The following SLC1A5 variants were observed in gnomAD, a reference collection of about 807,000 sequenced individuals.
SLC1A5 encodes the protein neutral amino acid transporter B(0).
SLC1A5 carries 25 observed loss-of-function variants against 34.9 expected under a neutral mutation model. That is an observed-to-expected ratio of 0.72 (90% confidence interval 0.52 to 1.00). The LOEUF (loss-of-function observed/expected upper bound fraction) is 1.00, where lower values mean the gene tolerates loss of function less well. Ranked by LOEUF, SLC1A5 falls within the 50% of genes least tolerant of loss-of-function variation. The pLI is 0.00. For synonymous variants in SLC1A5, 351 were observed against 341.2 expected (o/e 1.03, Z -0.32); for missense variants, 637 against 740.0 (o/e 0.86, Z 1.61).
chr19:46,784,785 G>A (rs2055174983), intron 1 of SLC1A5: 2 of 1,441,552 alleles, frequency 1.4e-6, no homozygotes, highest in East Asian at 2.5e-5. Context: ...AGGCTGGCGT[G>A]CTAGCCCTGA....
intron 6 of SLC1A5, 41 bp downstream of exon 6, chr19:46,777,170 C>T (rs2055097778): frequency 6.2e-7 from 1 of 1,604,502 alleles, no homozygotes; most frequent in South Asian, 1.1e-5. Flanking sequence ...TGGGGGTCAA[C>T]AGGGGTCCGG....
Position 46,788,189 on chromosome 19 carries a change from GC to G in SLC1A5, c.-225del, listed in dbSNP as rs2055200350. On this transcript the variant is annotated 5_prime_UTR_variant, in exon 1 of 8. Transcript: ENST00000542575. ...CTGGGCGCTGAGGCTTCTCTGCTCT[GC>G]CCCGTGTGCCAGATGTCCGAAAGCT... 2 of 499,698 alleles carry G rather than the reference GC, an allele frequency of 4.0e-6. No homozygotes were observed. Among genetic ancestry groups the G allele is most frequent in the Non-Finnish European group, 7.0e-6 (2 of 287,740 alleles). 31.0% of individuals were successfully genotyped at this position (499,698 alleles called of 1,614,324 possible). A position where few individuals can be genotyped will look rare whatever the true frequency, so the allele number is the denominator to read the frequency against.
chr19:46,778,650 A>ACCCAAGCCCCC, intron 5 of SLC1A5, 25 bp downstream of exon 5: 1 of 641,694 alleles, frequency 1.6e-6, no homozygotes. Flanking sequence ...TAAACATCCC[A>ACCCAAGCCCCC]CCCTAGCCCA....
Position 46,787,976 on chromosome 19 carries a change from A to G in SLC1A5, c.-11T>C, listed in dbSNP as rs538337393. 9.5e-5 allele frequency: 146 copies of G among 1,542,516 alleles called. No homozygotes were observed. The South Asian group carries it at 1.7e-3, about 18-fold the overall frequency. On this transcript the variant is annotated 5_prime_UTR_variant, in exon 1 of 8. Coordinates refer to ENST00000542575, the MANE Select transcript of SLC1A5 (RefSeq NM_005628.3). This position sits in a 1 kb window ranked among gnomAD's most constrained non-coding sequence, Gnocchi z 5.2. ...AGGATCGGCCACCATGATGGGAAGC[A>G]CCGGGGTTTCTTAGCGCCTGGAAGC...
intron 5 of SLC1A5, 99 bp from the exon 6 acceptor site, chr19:46,777,504 A>G: frequency 8.9e-7 from 1 of 1,119,044 alleles, no homozygotes; most frequent in Non-Finnish European, 1.2e-6. Flanking sequence ...ACCCCACCCC[A>G]ACCAGCCAAA....
chr19:46,778,476 T>C (rs185778618), intron 5 of SLC1A5, among the ~76,000 whole-genome samples, 199 bp downstream of exon 5: 349 of 152,226 alleles, frequency 2.3e-3, no homozygotes, highest in African/African-American at 8.3e-3. Context: ...GGGGAGGCAG[T>C]GTAAGAAAGA....
Position 46,775,017 on chromosome 19 carries a change from A to G in SLC1A5, c.*493T>C. The G allele has an allele frequency of 1.0e-6, 1 of 986,674 alleles. No individual in the cohort carries two copies. The highest frequency in any genetic ancestry group is 1.2e-6 in the Non-Finnish European group (1 of 830,812). The allele number at this position is 986,674 out of a possible 1,614,324, so 61.1% of individuals were successfully genotyped here. On this transcript the variant is annotated 3_prime_UTR_variant, in exon 8 of 8. Coordinates refer to ENST00000542575, the MANE Select transcript of SLC1A5 (RefSeq NM_005628.3). ...TGGAGGGAATAGGGGATCTGGGGAC[A>G]GGGTGGGACGTACCATGGGGACAGG...
chr19:46,781,576 C>T (rs1045187475), intron 4 of SLC1A5, among the ~76,000 whole-genome samples: 11 of 152,138 alleles, frequency 7.2e-5, no homozygotes, highest in Non-Finnish European at 1.6e-4. Flanking sequence ...CCAGCCTGGG[C>T]AACAAGAACG....
At chr19:46,784,203 G>A in intron 2 of SLC1A5, 59 bp from the exon 3 acceptor site, 1 of 1,293,378 alleles carries the variant, frequency 7.7e-7, no homozygotes. Flanking sequence ...CCAACCCCAT[G>A]CCAAGCTAAC....
At chr19:46,784,886 C>T (rs753812332) in intron 1 of SLC1A5, 13 of 1,352,172 alleles carry the variant, frequency 9.6e-6, no homozygotes, top group African/African-American at 5.9e-5. Flanking sequence ...ATGCAGCAAA[C>T]TTAATACCCT....
At chr19:46,786,653 C>T (rs1239164431) in intron 1 of SLC1A5, among the ~76,000 whole-genome samples, 1 of 152,200 alleles carries the variant, frequency 6.6e-6, no homozygotes, top group Non-Finnish European at 1.5e-5. Flanking sequence ...CGCAAGGGGG[C>T]CTCTGCCCCC....
Position 46,777,375 on chromosome 19 carries a change from G to A in SLC1A5, c.1089C>T (p.Cys363=), listed in dbSNP as rs374257968. ...SSATLPLMMK[C]VEENNGVAKH... Reference sequence around the variant, plus strand: ...TGGCCACGCCATTATTCTCCTCCACGCACTTCATCATCAGCGGCAGCGTGG... The same window carrying A: ...TGGCCACGCCATTATTCTCCTCCACACACTTCATCATCAGCGGCAGCGTGG... Residue 363 remains cysteine (C), a synonymous_variant, in exon 6 of 8, where the codon TGC becomes TGT. Coordinates refer to ENST00000542575, the MANE Select transcript of SLC1A5 (RefSeq NM_005628.3). 1.4e-5 allele frequency: 22 copies of A among 1,611,928 alleles called. No individual in the cohort carries two copies. Among genetic ancestry groups the A allele is most frequent in the African/African-American group, 9.4e-5 (7 of 74,842 alleles).
chr19:46,784,374 A>G, intron 2 of SLC1A5, 143 bp downstream of exon 2: 1 of 995,116 alleles, frequency 1.0e-6, no homozygotes, highest in Non-Finnish European at 1.5e-6. Flanking sequence ...GCTAGAATTA[A>G]AACTCACAGG....
chr19:46,777,498 C>G (rs2055102576), intron 5 of SLC1A5, 93 bp from the exon 6 acceptor site: 1 of 1,241,182 alleles, frequency 8.1e-7, no homozygotes, highest in African/African-American at 1.5e-5. Context: ...TCGCCTACCC[C>G]ACCCCAACCA....
At position 46,784,501 on chromosome 19, in the gene SLC1A5, A is replaced by G; in HGVS notation, c.609+16T>C. On this transcript the variant is annotated intron_variant, in intron 2 of 7. Transcript: ENST00000542575. The stretch of plus-strand genomic sequence containing the variant: ...CTGTCCACCCCCATCCCCTCAGGAC[A>G]CCCCTGAGGACTCACTGAGCGAAAG... The G allele has an allele frequency of 6.2e-7, 1 of 1,613,518 alleles. No homozygotes were observed. Among genetic ancestry groups the G allele is most frequent in the East Asian group, 2.2e-5 (1 of 44,856 alleles).
chr19:46,782,360 C>CCCCCCCAAA, intron 4 of SLC1A5, 23 bp downstream of exon 4: 9 of 1,332,692 alleles, frequency 6.8e-6, no homozygotes, highest in African/African-American at 1.5e-5. Context: ...CACCCACCCC[C>CCCCCCCAAA]AGCCTCCTCT....
At chr19:46,782,687 C>T (rs1383613224) in intron 3 of SLC1A5, 138 bp from the exon 4 acceptor site, 1 of 948,214 alleles carries the variant, frequency 1.1e-6, no homozygotes, top group Non-Finnish European at 1.6e-6. Context: ...GCTCCCAGTC[C>T]AGGTCCAGGG....
rs1599726188 is a variant in SLC1A5 at position 46,775,157 on chromosome 19, C to G, written c.*353G>C. 3.8e-6 allele frequency: 4 copies of G among 1,057,620 alleles called. No homozygotes were observed. Among genetic ancestry groups the G allele is most frequent in the Non-Finnish European group, 4.6e-6 (4 of 874,756 alleles). 65.5% of individuals were successfully genotyped at this position (1,057,620 alleles called of 1,614,324 possible). A position where few individuals can be genotyped will look rare whatever the true frequency, so the allele number is the denominator to read the frequency against. On this transcript the variant is annotated 3_prime_UTR_variant, in exon 8 of 8. Transcript: ENST00000542575. ...ACCAGCATGGTGTTGTAACATCCCC[C>G]CAGTGGGGGCTAGAATTCCCCATGG...
At chr19:46,783,825 T>C (rs1373253074) in intron 3 of SLC1A5, among the ~76,000 whole-genome samples, 1 of 151,584 alleles carries the variant, frequency 6.6e-6, no homozygotes, top group Admixed American at 6.6e-5. Context: ...GGCTGCCAGT[T>C]TGAGCAGGTT....
Sources: allele counts gnomAD v4.1 joint callset (sites outside exome capture counted in the v4.1 genomes callset), GRCh38; gene constraint gnomAD v4.1.1; non-coding constraint Gnocchi (gnomAD v3.1); transcripts MANE v1.5; gene names NCBI Gene and HGNC (gene_info 2026-07-23, HGNC 2026-07-21).